Variants in CHRM3 observed in about 807,000 individuals in gnomAD.
CHRM3 encodes muscarinic acetylcholine receptor M3.
CHRM3 carries 11 observed loss-of-function variants against 41.8 expected under a neutral mutation model. The observed-to-expected ratio is 0.26, with a 90% CI of 0.17 to 0.44. CHRM3 has a LOEUF of 0.44. Among genes scored for constraint, CHRM3 ranks in the 20% least tolerant of loss-of-function variants. CHRM3 has a pLI of 1.00. For missense variants in CHRM3, 571 were observed against 745.4 expected (o/e 0.77, Z 2.72); for synonymous variants, 297 against 301.4 (o/e 0.99, Z 0.15).
At chr1:239,656,780 A>T (rs918519784) in intron 4 of CHRM3, among the ~76,000 whole-genome samples, 1 of 152,182 alleles carries the variant, frequency 6.6e-6, no homozygotes, top group Non-Finnish European at 1.5e-5. Context: ...ATTATAAAAC[A>T]TGATTTTCCA....
At chr1:239,457,231 G>C (rs1665017320) in intron 1 of CHRM3, among the ~76,000 whole-genome samples, 1 of 152,016 alleles carries the variant, frequency 6.6e-6, no homozygotes, top group Admixed American at 6.6e-5. Context: ...CTGTAAACTG[G>C]GAATAATAAT....
intron 4 of CHRM3, among the ~76,000 whole-genome samples, chr1:239,659,259 T>C (rs571942904): frequency 6.6e-6 from 1 of 152,202 alleles, no homozygotes; most frequent in African/African-American, 2.4e-5. Context: ...TCTGCTGTTA[T>C]CTTCTTTTGG....
At chr1:239,794,712 T>A (rs1669629057) in intron 5 of CHRM3, among the ~76,000 whole-genome samples, 1 of 152,226 alleles carries the variant, frequency 6.6e-6, no homozygotes, top group Admixed American at 6.5e-5. Context: ...CAAGCAGTAG[T>A]GTTTCTGTTT....
intron 1 of CHRM3, among the ~76,000 whole-genome samples, chr1:239,420,027 C>T (rs528864321): frequency 1.3e-5 from 2 of 152,174 alleles, no homozygotes; most frequent in South Asian, 4.1e-4. Context: ...GGCTAATTAG[C>T]CCGCATAACG....
At chr1:239,506,566 G>A (rs1027450149) in intron 2 of CHRM3, among the ~76,000 whole-genome samples, 2 of 152,172 alleles carry the variant, frequency 1.3e-5, no homozygotes, top group Admixed American at 6.5e-5. Context: ...TTACTGCAGG[G>A]GTGGTGCCCT....
chr1:239,420,140 A>G lies in CHRM3; in HGVS notation c.-521+32913A>G, dbSNP rs1206058553. Among the ~76,000 whole-genome samples, 3 of 152,138 alleles carry G rather than the reference A, an allele frequency of 2.0e-5. No homozygotes were observed. The East Asian group carries it at 5.8e-4, about 29-fold the overall frequency. On this transcript the variant is annotated intron_variant, in intron 1 of 6. Coordinates refer to ENST00000676153, the MANE Select transcript of CHRM3 (RefSeq NM_001375978.1). ...GAAGGCTTCTCTTTTTGGAGACTTG[A>G]GCTCTCTCATTGAACCCCATCTGGT... is the stretch of plus-strand genomic sequence containing the variant.
At chr1:239,615,993 T>C (rs990188587) in intron 3 of CHRM3, among the ~76,000 whole-genome samples, 3 of 152,212 alleles carry the variant, frequency 2.0e-5, no homozygotes, top group Non-Finnish European at 4.4e-5. Context: ...AACATACTTT[T>C]GCCTCTATCG....
intron 5 of CHRM3, among the ~76,000 whole-genome samples, chr1:239,797,891 A>T (rs1025677740): frequency 6.6e-6 from 1 of 152,052 alleles, no homozygotes. Flanking sequence ...CTACAAAAAA[A>T]TTAACAAATT....
In CHRM3 at chr1:239,839,796, G is replaced by A. The variant is rs150366330; in HGVS notation, c.-20+12418G>A. Reference sequence around the variant, plus strand: ...GACATTTACTATTACATTCAGTGGCGGGGCGGGGGGGGAGCGGGGAAGGGA... The same window carrying A: ...GACATTTACTATTACATTCAGTGGCAGGGCGGGGGGGGAGCGGGGAAGGGA... On this transcript the variant is annotated intron_variant, in intron 6 of 6. Transcript: ENST00000676153. Among the ~76,000 whole-genome samples the A allele has an allele frequency of 2.0e-3, 294 of 148,900 alleles. 8 individuals carry two copies. In the East Asian group the frequency reaches 0.035, roughly 18 times the overall value.
chr1:239,804,457 G>A (rs1304615728), intron 5 of CHRM3, among the ~76,000 whole-genome samples: 1 of 152,074 alleles, frequency 6.6e-6, no homozygotes. Flanking sequence ...TTTTAAGTTA[G>A]GGCATTTGAG....
intron 5 of CHRM3, among the ~76,000 whole-genome samples, chr1:239,683,452 AATACTTTT>A (rs573999008): frequency 1.2e-3 from 189 of 152,350 alleles, no homozygotes; most frequent in South Asian, 3.7e-3. Context: ...CAAAATAGCT[AATACTTTT>A]ATTAGCAGCT....
chr1:239,674,239 ACT>A (rs1483125148), intron 4 of CHRM3, among the ~76,000 whole-genome samples: 1 of 151,842 alleles, frequency 6.6e-6, no homozygotes, highest in Non-Finnish European at 1.5e-5. Flanking sequence ...ATATTTAAGG[ACT>A]CTTAATATAG....
intron 6 of CHRM3, among the ~76,000 whole-genome samples, chr1:239,844,814 T>C (rs1297561230): frequency 2.0e-5 from 3 of 152,224 alleles, no homozygotes; most frequent in Non-Finnish European, 4.4e-5. Flanking sequence ...TCACCCCTTA[T>C]GCACCTGGCT....
At chr1:239,651,784 C>G (rs1490085293) in intron 4 of CHRM3, among the ~76,000 whole-genome samples, 1 of 152,104 alleles carries the variant, frequency 6.6e-6, no homozygotes, top group East Asian at 1.9e-4. Context: ...TAGCAGCTCA[C>G]TTCAAGGACA....
At chr1:239,859,774 C>T (rs539242463) in intron 6 of CHRM3, among the ~76,000 whole-genome samples, 3 of 142,492 alleles carry the variant, frequency 2.1e-5, no homozygotes, top group East Asian at 2.0e-4. Flanking sequence ...TAGTGCATGC[C>T]GTATATCAGG....
chr1:239,788,669 G>A (rs1036202604), intron 5 of CHRM3, among the ~76,000 whole-genome samples: 3 of 152,012 alleles, frequency 2.0e-5, no homozygotes, highest in Non-Finnish European at 2.9e-5. Context: ...GGGAGGCTGA[G>A]GTAGGAGAAT....
intron 6 of CHRM3, among the ~76,000 whole-genome samples, chr1:239,848,255 T>G (rs1455502674): frequency 5.3e-5 from 8 of 151,942 alleles, no homozygotes; most frequent in Non-Finnish European, 8.8e-5. Context: ...GAGGGAGGAG[T>G]TGTGAGAAAA....
intron 3 of CHRM3, among the ~76,000 whole-genome samples, chr1:239,552,507 T>TTA (rs113901251): frequency 0.043 from 6,286 of 145,842 alleles, 404 homozygotes; most frequent in African/African-American, 0.15. Context: ...AATATATATT[T>TTA]TATATATATA....
intron 4 of CHRM3, among the ~76,000 whole-genome samples, chr1:239,655,481 C>A (rs1267912841): frequency 6.6e-6 from 1 of 152,162 alleles, no homozygotes; most frequent in African/African-American, 2.4e-5. Flanking sequence ...TTCATCTATC[C>A]CTGCCTTTCT....
Sources: gnomAD v4.1 joint callset for allele counts (sites outside exome capture counted in the v4.1 genomes callset) on GRCh38, gnomAD v4.1.1 for gene constraint, MANE v1.5 for transcripts, NCBI Gene and HGNC (gene_info 2026-07-23, HGNC 2026-07-21) for gene names.